LRP2: variants seen among roughly 807,000 people sequenced by gnomAD.
The protein encoded by LRP2 is low-density lipoprotein receptor-related protein 2.
In LRP2, 172 loss-of-function variants were observed where a neutral mutation model predicts 531.0. The observed-to-expected ratio is 0.32, with a 90% CI of 0.29 to 0.37. LRP2 has a LOEUF of 0.37. Ranked by LOEUF, LRP2 falls within the 10% of genes least tolerant of loss-of-function variation. The pLI is 1.00. For synonymous variants in LRP2, 1,992 were observed against 2,027.6 expected, an observed-to-expected ratio of 0.98 and a Z score of 0.47; for missense variants, 5,167 against 5,868.3, an observed-to-expected ratio of 0.88 and a Z score of 3.90.
intron 1 of LRP2, among the ~76,000 whole-genome samples, chr2:169,361,254 G>A (rs1686140600): frequency 6.6e-6 from 1 of 151,978 alleles, no homozygotes; most frequent in African/African-American, 2.4e-5. Context: ...GCCAGGGGGA[G>A]AGCTCGCCGG....
chr2:169,303,328 T>G (rs1684333010), intron 4 of LRP2, among the ~76,000 whole-genome samples: 1 of 152,200 alleles, frequency 6.6e-6, no homozygotes, highest in Admixed American at 6.5e-5. Context: ...GCATATGGTT[T>G]AGACCTAGGT....
chr2:169,148,121 GC>G (rs2105350183), intron 68 of LRP2, among the ~76,000 whole-genome samples: 1 of 152,324 alleles, frequency 6.6e-6, no homozygotes, highest in Admixed American at 6.5e-5. Context: ...TGGAAAAAAT[GC>G]AGCCAGGGGC....
In LRP2 at chr2:169,175,300, C is replaced by T. The variant is rs139257219; in HGVS notation, c.10661G>A (p.Arg3554Gln). Residue 3554 changes from arginine to glutamine, a missense_variant, in exon 55 of 79, where the codon CGA becomes CAA. Arg to Gln is a conservative substitution (Grantham distance 43). Coordinates refer to ENST00000649046, the MANE Select transcript of LRP2 (RefSeq NM_004525.3). ...GTCACTGCACTGGAACTGTCCCAGTCGGCAGAAGCGCTGCGGGCAAAGGGC... is the reference window on the plus strand; with the variant it reads ...GTCACTGCACTGGAACTGTCCCAGTTGGCAGAAGCGCTGCGGGCAAAGGGC... Reference protein sequence around the residue: ...ELALCPQRFCRLGQFQCSDGN... With the variant: ...ELALCPQRFCQLGQFQCSDGN... 53 of 1,614,078 alleles carry T rather than the reference C, an allele frequency of 3.3e-5. No individual in the cohort carries two copies. The highest frequency in any genetic ancestry group is 3.1e-4 in the East Asian group (14 of 44,890).
intron 61 of LRP2, 80 bp downstream of exon 61, chr2:169,168,459 G>A: frequency 6.4e-7 from 1 of 1,558,576 alleles, no homozygotes; most frequent in South Asian, 1.1e-5. Context: ...CTGCTCTCCA[G>A]GCTCACATGC....
At position 169,362,390 on chromosome 2, in the gene LRP2, C is replaced by T. The variant is rs781681275; in HGVS notation, c.10G>A (p.Gly4Arg). MDR[G>R]PAAVACTLLL... Reference sequence around the variant, plus strand: ...AGCGTGCACGCCACTGCTGCCGGCCCGCGATCCATCTCCGCGACGGTCCCC... The same window carrying T: ...AGCGTGCACGCCACTGCTGCCGGCCTGCGATCCATCTCCGCGACGGTCCCC... The change falls in exon 1 of 79, where the codon GGG (glycine) becomes AGG (arginine). Residue 4 changes from glycine (G) to arginine (R), a missense_variant. Gly to Arg is a moderately radical substitution (Grantham distance 125). Transcript: ENST00000649046. The T allele has an allele frequency of 5.8e-6, 9 of 1,564,318 alleles. No homozygotes were observed. The highest frequency in any genetic ancestry group is 2.4e-5 in the East Asian group (1 of 41,790).
chr2:169,239,485 G>A (rs1392517648), intron 26 of LRP2, 42 bp downstream of exon 26: 13 of 1,613,672 alleles, frequency 8.1e-6, no homozygotes, highest in South Asian at 1.1e-5. Flanking sequence ...TTTAAGCTCT[G>A]GGATGTGCTG....
chr2:169,243,299 C>A (rs112053993), intron 23 of LRP2, 104 bp downstream of exon 23: 28 of 1,392,716 alleles, frequency 2.0e-5, no homozygotes, highest in South Asian at 1.4e-4. Flanking sequence ...TCCCCACCCC[C>A]CAACAGGCCC....
chr2:169,311,048 T>A (rs146116621), intron 3 of LRP2, among the ~76,000 whole-genome samples: 1 of 152,166 alleles, frequency 6.6e-6, no homozygotes, highest in East Asian at 1.9e-4. Context: ...GGTGGTGATA[T>A]CCCCTTTATC....
At chr2:169,259,333 T>C (rs1354995233) in intron 16 of LRP2, 116 bp from the exon 17 acceptor site, 2 of 534,518 alleles carry the variant, frequency 3.7e-6, no homozygotes, top group Non-Finnish European at 6.4e-6. Flanking sequence ...CAGGAACACA[T>C]GTGGAATTCT....
In LRP2 at chr2:169,181,452, T is replaced by C. The variant is rs140272085; in HGVS notation, c.10165A>G (p.Ile3389Val). 1,912 of 1,613,946 alleles carry C rather than the reference T, an allele frequency of 1.2e-3. 15 individuals are homozygous for C. The highest frequency in any genetic ancestry group is 0.01 in the South Asian group (925 of 91,070). Residue 3389 changes from isoleucine (I) to valine (V), a missense_variant, in exon 52 of 79, where the codon ATA becomes GTA. By Grantham distance (29) the Ile-to-Val change is conservative. Around this residue, in one of 6 missense-constraint regions of LRP2, gnomAD observed 1,129 missense variants for 1,362.7 expected, o/e 0.83. Transcript: ENST00000649046. Reference sequence around the variant, plus strand: ...TATGCTTTTCTATGTACGTACTCTATGTAACCCAGGTGGGCATCTGCCCAG... The same window carrying C: ...TATGCTTTTCTATGTACGTACTCTACGTAACCCAGGTGGGCATCTGCCCAG... ...LYWADAHLGY[I>V]EYSDLEGHHR... is the part of the protein sequence containing the mutation.
At chr2:169,238,801 C>G (rs1346195457) in intron 26 of LRP2, among the ~76,000 whole-genome samples, 1 of 152,132 alleles carries the variant, frequency 6.6e-6, no homozygotes, top group African/African-American at 2.4e-5. Context: ...GACTCTCCAG[C>G]CAGAGACATT....
chr2:169,307,248 C>T, intron 4 of LRP2, 33 bp downstream of exon 4: 1 of 1,436,956 alleles, frequency 7.0e-7, no homozygotes, highest in Non-Finnish European at 9.8e-7. Flanking sequence ...AAGGGTGAAA[C>T]CAAATACAGT....
chr2:169,327,243 C>A (rs553770385), intron 1 of LRP2, among the ~76,000 whole-genome samples: 1,496 of 93,318 alleles, frequency 0.016, 40 homozygotes, highest in African/African-American at 0.059. Flanking sequence ...GGGGGGTCAG[C>A]CCCACGTCCG....
chr2:169,238,321 C>A lies in LRP2; in HGVS notation c.4295-19G>T. 1 of 1,532,328 alleles carries A rather than the reference C, an allele frequency of 6.5e-7. No individual in the cohort carries two copies. The highest frequency in any genetic ancestry group is 9.0e-7 in the Non-Finnish European group (1 of 1,106,190). 94.9% of individuals were successfully genotyped at this position (1,532,328 alleles called of 1,614,324 possible). A position where few individuals can be genotyped will look rare whatever the true frequency, so the allele number is the denominator to read the frequency against. ...TCAGATGCTGTTCAAGAAAAAAATG[C>A]AAAAATGTCAATGATACTGGGAGAA... On this transcript the variant is annotated intron_variant, in intron 26 of 78. Transcript: ENST00000649046.
At chr2:169,197,535 G>A (rs1195822767) in intron 45 of LRP2, among the ~76,000 whole-genome samples, 1 of 152,162 alleles carries the variant, frequency 6.6e-6, no homozygotes, top group Non-Finnish European at 1.5e-5. Flanking sequence ...TGAGTAAGTG[G>A]GAAACTCTGC....
intron 31 of LRP2, among the ~76,000 whole-genome samples, chr2:169,229,404 C>T (rs559757447): frequency 1.2e-4 from 19 of 152,278 alleles, no homozygotes; most frequent in Non-Finnish European, 2.1e-4. Context: ...TCATACCCTG[C>T]ACAAGCTGAT....
At chr2:169,257,048 A>C in intron 18 of LRP2, 76 bp downstream of exon 18, 2 of 1,570,204 alleles carry the variant, frequency 1.3e-6, no homozygotes, top group Non-Finnish European at 1.8e-6. Context: ...TTACACCATC[A>C]TATCACCCAA....
chr2:169,176,465 G>T lies in LRP2; in HGVS notation c.10517C>A (p.Thr3506Asn), dbSNP rs1687199013. 9.9e-6 allele frequency: 16 copies of T among 1,614,188 alleles called. No homozygotes were observed. Among genetic ancestry groups the T allele is most frequent in the Non-Finnish European group, 1.4e-5 (16 of 1,180,026 alleles). The change falls in exon 54 of 79, where the codon ACC becomes AAC. Residue 3506 changes from threonine (T) to asparagine (N), a missense_variant. This residue lies in a region of LRP2 where 311 missense variants were observed against 309.4 expected (regional missense o/e 1.01). Transcript: ENST00000649046. ...GCTGGAGCACATGGGCATGCAGTAGGTGCTGCCACTCAGCTGAAGGGTGCG... is the reference window on the plus strand; with the variant it reads ...GCTGGAGCACATGGGCATGCAGTAGTTGCTGCCACTCAGCTGAAGGGTGCG... ...DFRTLQLSGSTYCMPMCSSTQ... is the reference protein window; with the variant it reads ...DFRTLQLSGSNYCMPMCSSTQ...
At chr2:169,242,374 C>A (rs1454076866) in intron 24 of LRP2, among the ~76,000 whole-genome samples, 1 of 152,214 alleles carries the variant, frequency 6.6e-6, no homozygotes, top group Non-Finnish European at 1.5e-5. Flanking sequence ...AATCCTCCAA[C>A]TAGAAGAAAT....
Sources: allele counts gnomAD v4.1 joint callset (sites outside exome capture counted in the v4.1 genomes callset), GRCh38; gene constraint gnomAD v4.1.1; regional missense constraint gnomAD v4.1.1; transcripts MANE v1.5; gene names NCBI Gene and HGNC (gene_info 2026-07-23, HGNC 2026-07-21).